CRADD: variants seen among roughly 807,000 people sequenced by gnomAD.
CRADD encodes the protein CARD and death domain containing adaptor protein.
Under a neutral mutation model 15.5 loss-of-function variants are expected in CRADD, and 9 were observed. The observed-to-expected ratio is 0.58, with a 90% CI of 0.35 to 1.01. CRADD has a LOEUF of 1.01. Ranked by LOEUF, CRADD falls within the 50% of genes least tolerant of loss-of-function variation. The probability of loss-of-function intolerance (pLI) is 0.02; values close to 1 mark genes in which losing one functional copy is unlikely to be tolerated. For missense variants in CRADD, 227 were observed against 250.3 expected, an observed-to-expected ratio of 0.91 and a Z score of 0.63; for synonymous variants, 118 against 107.6, an observed-to-expected ratio of 1.10 and a Z score of -0.60.
intron 2 of CRADD, among the ~76,000 whole-genome samples, chr12:93,827,715 A>G (rs1408615137): frequency 6.6e-6 from 1 of 152,036 alleles, no homozygotes; most frequent in Non-Finnish European, 1.5e-5. Context: ...CTATGCCAAC[A>G]TTGTCTTCAG....
At chr12:93,787,684 C>T (rs1957295543) in intron 2 of CRADD, among the ~76,000 whole-genome samples, 1 of 152,154 alleles carries the variant, frequency 6.6e-6, no homozygotes, top group Non-Finnish European at 1.5e-5. Context: ...GAAAGGATTG[C>T]CTCATAGCTG....
chr12:93,726,184 A>C (rs1401180632), intron 2 of CRADD, among the ~76,000 whole-genome samples: 2 of 146,946 alleles, frequency 1.4e-5, no homozygotes, highest in Non-Finnish European at 3.0e-5. Flanking sequence ...ACTTTCTGCA[A>C]CCTTCGCCTC....
At chr12:93,735,331 A>G (rs1956547107) in intron 2 of CRADD, among the ~76,000 whole-genome samples, 2 of 152,214 alleles carry the variant, frequency 1.3e-5, no homozygotes, top group South Asian at 2.1e-4. Flanking sequence ...CTCTTAAGAT[A>G]TGGAAAGTTT....
chr12:93,680,139 C>G (rs1454845140), intron 2 of CRADD, among the ~76,000 whole-genome samples: 1 of 152,004 alleles, frequency 6.6e-6, no homozygotes, highest in Non-Finnish European at 1.5e-5. Flanking sequence ...CTTAACCTCC[C>G]TTGACTCTGT....
intron 2 of CRADD, chr12:93,815,519 G>T (rs2137012420): frequency 6.6e-6 from 1 of 152,184 alleles, no homozygotes; most frequent in Non-Finnish European, 1.5e-5. Context: ...TTGTATTACA[G>T]TTTTCATGTT....
chr12:93,773,491 G>A (rs551121962), intron 2 of CRADD, among the ~76,000 whole-genome samples: 1 of 152,298 alleles, frequency 6.6e-6, no homozygotes, highest in South Asian at 2.1e-4. Flanking sequence ...GGAACGGTAA[G>A]TCCATTAAAT....
intron 2 of CRADD, among the ~76,000 whole-genome samples, chr12:93,884,740 G>A (rs559913956): frequency 5.9e-5 from 9 of 152,206 alleles, no homozygotes; most frequent in African/African-American, 2.2e-4. Flanking sequence ...ATCTTTCCCA[G>A]TCGAGTGACA....
At chr12:93,736,700 G>T (rs942333933) in intron 2 of CRADD, among the ~76,000 whole-genome samples, 12 of 152,130 alleles carry the variant, frequency 7.9e-5, no homozygotes, top group African/African-American at 2.7e-4. Flanking sequence ...TGATATAGAG[G>T]CCAGATTAGT....
intron 2 of CRADD, among the ~76,000 whole-genome samples, chr12:93,697,899 G>GAA (rs1261947466): frequency 6.6e-6 from 1 of 152,146 alleles, no homozygotes; most frequent in Non-Finnish European, 1.5e-5. Context: ...AATGGGATTG[G>GAA]AAAAAGAATA....
chr12:93,779,333 C>T lies in CRADD; in HGVS notation c.299-70637C>T, dbSNP rs191263915. On this transcript the variant is annotated intron_variant, in intron 2 of 2. Coordinates refer to ENST00000332896, the MANE Select transcript of CRADD (RefSeq NM_003805.5). ...AAGTAGAATTGACTAAAACCTTGGG[C>T]GGGAGTAACCATGATAGTATTGTTT... 2.8e-3 allele frequency among the ~76,000 whole-genome samples: 424 copies of T among 151,968 alleles called. 2 individuals carry two copies. The highest frequency in any genetic ancestry group is 8.6e-3 in the African/African-American group (358 of 41,452).
intron 2 of CRADD, among the ~76,000 whole-genome samples, chr12:93,871,902 A>G (rs1276997206): frequency 1.3e-5 from 2 of 152,006 alleles, no homozygotes; most frequent in Non-Finnish European, 2.9e-5. Flanking sequence ...TGATGTATGG[A>G]TTTTCTTTCT....
chr12:93,747,205 G>A (rs953319524), intron 2 of CRADD, among the ~76,000 whole-genome samples: 4 of 152,144 alleles, frequency 2.6e-5, no homozygotes, highest in African/African-American at 9.7e-5. Context: ...AGTCATTGCT[G>A]TATTGCGGCC....
chr12:93,802,240 A>G (rs1593002425), intron 2 of CRADD, among the ~76,000 whole-genome samples: 1 of 152,144 alleles, frequency 6.6e-6, no homozygotes, highest in South Asian at 2.1e-4. Flanking sequence ...TGGTACTTCT[A>G]CTTTTAGTTC....
chr12:93,728,000 C>T (rs993085380), intron 2 of CRADD, among the ~76,000 whole-genome samples: 7 of 152,180 alleles, frequency 4.6e-5, no homozygotes, highest in African/African-American at 1.2e-4. Context: ...ACAGAACTTG[C>T]GTGTTACTAT....
At chr12:93,838,518 C>T (rs532519858) in intron 2 of CRADD, among the ~76,000 whole-genome samples, 1 of 150,654 alleles carries the variant, frequency 6.6e-6, no homozygotes, top group Non-Finnish European at 1.5e-5. Context: ...TCACTCTCTC[C>T]CTCCCTCCTT....
chr12:93,725,013 A>G (rs1286503877), intron 2 of CRADD, among the ~76,000 whole-genome samples: 1 of 152,060 alleles, frequency 6.6e-6, no homozygotes, highest in African/African-American at 2.4e-5. Flanking sequence ...GGCACCCGCC[A>G]CCACGCTTGG....
chr12:93,744,222 C>T (rs1956721498), intron 2 of CRADD, among the ~76,000 whole-genome samples: 1 of 152,198 alleles, frequency 6.6e-6, no homozygotes, highest in African/African-American at 2.4e-5. Context: ...TACCTGTAGG[C>T]CTTCCAGGGG....
intron 2 of CRADD, among the ~76,000 whole-genome samples, chr12:93,686,321 A>AAAAAAG (rs1955440832): frequency 6.6e-6 from 1 of 151,150 alleles, no homozygotes; most frequent in Non-Finnish European, 1.5e-5. Context: ...AAAAAAAAAA[A>AAAAAAG]AAAAGAAAAG....
intron 2 of CRADD, among the ~76,000 whole-genome samples, chr12:93,862,359 C>T (rs11107223): frequency 0.066 from 10,044 of 152,228 alleles, 404 homozygotes; most frequent in African/African-American, 0.11. Flanking sequence ...GTAATCAAAG[C>T]GACATGACAC....
Sources: allele counts gnomAD v4.1 joint callset (sites outside exome capture counted in the v4.1 genomes callset), GRCh38; gene constraint gnomAD v4.1.1; transcripts MANE v1.5; gene names NCBI Gene and HGNC (gene_info 2026-07-23, HGNC 2026-07-21).